THSD4: variants seen among roughly 807,000 people sequenced by gnomAD.
THSD4 encodes thrombospondin type 1 domain containing 4.
THSD4 carries 69 observed loss-of-function variants against 119.0 expected under a neutral mutation model. The observed-to-expected ratio is 0.58, with a 90% CI of 0.48 to 0.71. The LOEUF (loss-of-function observed/expected upper bound fraction) is 0.71, where lower values mean the gene tolerates loss of function less well. Ranked by LOEUF, THSD4 falls within the 30% of genes least tolerant of loss-of-function variation. The pLI, the probability that THSD4 is intolerant of heterozygous loss-of-function variation, is 0.00. For missense variants in THSD4, 1,393 were observed against 1,391.1 expected (o/e 1.00, Z -0.02); for synonymous variants, 524 against 540.4 (o/e 0.97, Z 0.42).
chr15:71,191,870 A>G (rs898658561), intron 3 of THSD4, among the ~76,000 whole-genome samples: 2 of 148,842 alleles, frequency 1.3e-5, no homozygotes, highest in African/African-American at 4.9e-5. Context: ...CAAGGGCAGC[A>G]CCACCTCCTA....
At chr15:71,674,515 T>G (rs933065229) in intron 8 of THSD4, among the ~76,000 whole-genome samples, 1 of 152,202 alleles carries the variant, frequency 6.6e-6, no homozygotes, top group African/African-American at 2.4e-5. Flanking sequence ...ATGGGAGGCA[T>G]GCTGTGTGAG....
At chr15:71,676,243 A>G (rs2051647001) in intron 8 of THSD4, among the ~76,000 whole-genome samples, 1 of 152,196 alleles carries the variant, frequency 6.6e-6, no homozygotes. Context: ...TGTATAATTC[A>G]GTGGCATTAA....
intron 7 of THSD4, among the ~76,000 whole-genome samples, chr15:71,524,142 T>C (rs574181193): frequency 2.1e-4 from 32 of 152,228 alleles, no homozygotes; most frequent in African/African-American, 7.2e-4. Flanking sequence ...AAAGATAATA[T>C]AAGTGACGTT....
chr15:71,218,082 C>A (rs2043948976), intron 4 of THSD4, among the ~76,000 whole-genome samples: 1 of 152,182 alleles, frequency 6.6e-6, no homozygotes, highest in African/African-American at 2.4e-5. Context: ...TCCCCAGGCA[C>A]TGTTCTTATC....
intron 7 of THSD4, among the ~76,000 whole-genome samples, chr15:71,427,270 G>GGGCAAGGCACTGGGCAAGGCACTT (rs2046883808): frequency 1.3e-5 from 2 of 151,916 alleles, no homozygotes; most frequent in Non-Finnish European, 1.5e-5. Flanking sequence ...GCAAGGCACT[G>GGGCAAGGCACTGGGCAAGGCACTT]GGATGAAACA....
At chr15:71,198,217 C>G (rs146089431) in intron 3 of THSD4, among the ~76,000 whole-genome samples, 2,234 of 152,316 alleles carry the variant, frequency 0.015, 37 homozygotes, top group African/African-American at 0.051. Flanking sequence ...GCTATGATCA[C>G]AGTTGTGCCA....
At chr15:71,155,285 C>T (rs1037438489) in intron 3 of THSD4, among the ~76,000 whole-genome samples, 11 of 152,078 alleles carry the variant, frequency 7.2e-5, no homozygotes, top group South Asian at 2.1e-4. Context: ...AGAGAGAGAA[C>T]GGGGAGGTGC....
upstream of THSD4, chr15:71,111,228 T>A (rs1352061968): frequency 1.9e-6 from 3 of 1,611,788 alleles, no homozygotes; most frequent in Admixed American, 5.0e-5. Context: ...GAGAAGGAGA[T>A]AACCTGAAGT....
At chr15:71,225,543 TTTTTTTTC>T (rs374887968) in intron 4 of THSD4, among the ~76,000 whole-genome samples, 16,357 of 107,808 alleles carry the variant, frequency 0.15, 1,124 homozygotes, top group Middle Eastern at 0.23. Flanking sequence ...CTTTTTCTTT[TTTTTTTTC>T]TTTTTTTTTT....
At chr15:71,466,035 C>T (rs1169914776) in intron 7 of THSD4, among the ~76,000 whole-genome samples, 1 of 152,088 alleles carries the variant, frequency 6.6e-6, no homozygotes, top group Non-Finnish European at 1.5e-5. Context: ...CCCCTTCTTT[C>T]ACTTAGACAT....
intron 8 of THSD4, among the ~76,000 whole-genome samples, chr15:71,713,089 A>C (rs1361808235): frequency 6.6e-6 from 1 of 152,234 alleles, no homozygotes; most frequent in Non-Finnish European, 1.5e-5. Flanking sequence ...AGCCAAGGAA[A>C]CCTGGGAAGT....
chr15:71,344,919 CT>C (rs1596353306), intron 6 of THSD4, among the ~76,000 whole-genome samples: 1 of 152,070 alleles, frequency 6.6e-6, no homozygotes, highest in East Asian at 1.9e-4. Context: ...GGGAGATGCC[CT>C]TTAGATATGA....
chr15:71,527,358 T>A (rs556340329), intron 7 of THSD4, among the ~76,000 whole-genome samples: 1 of 152,304 alleles, frequency 6.6e-6, no homozygotes, highest in South Asian at 2.1e-4. Context: ...CTCTGATGAA[T>A]ACAAAAAGGC....
At chr15:71,099,751 A>G (rs2040246296) in intron 1 of THSD4, among the ~76,000 whole-genome samples, 1 of 151,936 alleles carries the variant, frequency 6.6e-6, no homozygotes. Context: ...GATCGCTTGA[A>G]CCCAGGGATT....
At chr15:71,479,518 G>C (rs2047698714) in intron 7 of THSD4, among the ~76,000 whole-genome samples, 1 of 152,132 alleles carries the variant, frequency 6.6e-6, no homozygotes, top group African/African-American at 2.4e-5. Context: ...TTAGTTTTGG[G>C]AAACTGAGCA....
intron 6 of THSD4, among the ~76,000 whole-genome samples, chr15:71,335,309 T>C (rs1383653469): frequency 1.3e-5 from 2 of 152,154 alleles, no homozygotes; most frequent in Non-Finnish European, 2.9e-5. Flanking sequence ...GGCTTTGAGA[T>C]GGTATTTCAA....
chr15:71,409,830 C>T (rs1188975893), intron 6 of THSD4, among the ~76,000 whole-genome samples: 1 of 151,964 alleles, frequency 6.6e-6, no homozygotes, highest in Non-Finnish European at 1.5e-5. Context: ...GATTTTTAGA[C>T]AGCCTGTTCT....
intron 7 of THSD4, among the ~76,000 whole-genome samples, chr15:71,636,658 G>A (rs1348929068): frequency 6.6e-6 from 1 of 151,972 alleles, no homozygotes. Context: ...TTGGCTCTTT[G>A]TCTTGGGGAC....
chr15:71,442,869 TG>T (rs139016904), intron 7 of THSD4, among the ~76,000 whole-genome samples: 1,867 of 151,116 alleles, frequency 0.012, 39 homozygotes, highest in African/African-American at 0.042. Context: ...TCTCTGATTC[TG>T]GCAGGCATCG....
Sources: allele counts gnomAD v4.1 joint callset (sites outside exome capture counted in the v4.1 genomes callset), GRCh38; gene constraint gnomAD v4.1.1; transcripts MANE v1.5; gene names NCBI Gene and HGNC (gene_info 2026-07-23, HGNC 2026-07-21).